The following SLC6A16 variants were observed in gnomAD, a reference collection of about 807,000 sequenced individuals.
SLC6A16 encodes solute carrier family 6 member 16, also known as orphan sodium- and chloride-dependent neurotransmitter transporter NTT5.
SLC6A16 carries 54 observed loss-of-function variants against 65.4 expected under a neutral mutation model. The ratio of observed to expected loss-of-function variants is 0.83; its 90% CI spans 0.66 to 1.04. The LOEUF (loss-of-function observed/expected upper bound fraction) is 1.04. Ranked by LOEUF, SLC6A16 falls within the 50% of genes least tolerant of loss-of-function variation. SLC6A16 has a pLI of 0.00. For synonymous variants in SLC6A16, 330 were observed against 346.5 expected (o/e 0.95, Z 0.53); for missense variants, 816 against 914.0 (o/e 0.89, Z 1.38).
rs773766329 is a variant in SLC6A16 at position 49,290,662 on chromosome 19, G to C, written c.1884C>G (p.Thr628=). The C allele has an allele frequency of 1.1e-5, 18 of 1,614,020 alleles. No homozygotes were observed. Among genetic ancestry groups the C allele is most frequent in the Middle Eastern group, 1.6e-4 (1 of 6,062 alleles). Residue 628 remains threonine, a synonymous_variant, in exon 11 of 12, where the codon ACC becomes ACG. Transcript: ENST00000335875. Reference sequence around the variant, plus strand: ...GCTTCATACAAAGATGAACCATCATGGTCACAAAGATGATTAGCAGCACAA... The same window carrying C: ...GCTTCATACAAAGATGAACCATCATCGTCACAAAGATGATTAGCAGCACAA... ...CPVVLLIIFV[T]MMVHLCMKPI...
intron 4 of SLC6A16, 83 bp from the exon 5 acceptor site, chr19:49,309,909 C>G (rs1340947268): frequency 1.3e-6 from 2 of 1,498,070 alleles, no homozygotes; most frequent in East Asian, 2.3e-5. Flanking sequence ...TCCCTTTTCT[C>G]TTTCCCTCTC....
intron 8 of SLC6A16, 99 bp downstream of exon 8, chr19:49,294,268 G>T: frequency 1.7e-6 from 2 of 1,200,436 alleles, no homozygotes; most frequent in Non-Finnish European, 2.4e-6. Context: ...TGATTCTGGT[G>T]CTTCCGGGAT....
chr19:49,293,497 G>C, intron 9 of SLC6A16, 115 bp from the exon 10 acceptor site: 2 of 957,346 alleles, frequency 2.1e-6, no homozygotes, highest in Non-Finnish European at 3.1e-6. Context: ...GGGCGAGGGG[G>C]CTTACATGTG....
At chr19:49,323,185 G>C (rs577770732) in intron 1 of SLC6A16, among the ~76,000 whole-genome samples, 1 of 151,984 alleles carries the variant, frequency 6.6e-6, no homozygotes, top group Non-Finnish European at 1.5e-5. Flanking sequence ...AGTAAAGATG[G>C]ACTCTTACCT....
At chr19:49,330,738 T>A in the SLC6A16 span, among the ~76,000 whole-genome samples, 1 of 152,020 alleles carries the variant, frequency 6.6e-6, no homozygotes, top group African/African-American at 2.4e-5. Flanking sequence ...GGTCAGGAGT[T>A]CAAGACCAGC....
chr19:49,330,547 G>C, the SLC6A16 span, among the ~76,000 whole-genome samples: 44 of 152,250 alleles, frequency 2.9e-4, no homozygotes, highest in African/African-American at 1.0e-3. Flanking sequence ...AAAAGCAAGA[G>C]GGAATTTGCC....
chr19:49,336,173 A>C, the SLC6A16 span: 2 of 227,578 alleles, frequency 8.8e-6, no homozygotes, highest in Non-Finnish European at 1.8e-5. Flanking sequence ...CTAAATAATA[A>C]TGAAATATAA....
chr19:49,339,375 T>C, the SLC6A16 span: 2 of 1,613,896 alleles, frequency 1.2e-6, no homozygotes, highest in Non-Finnish European at 1.7e-6. This position sits in a 1 kb window ranked among gnomAD's most constrained non-coding sequence, Gnocchi z 4.5. Flanking sequence ...CAACCTTATT[T>C]CCATAGTGGG....
the SLC6A16 span, chr19:49,335,954 G>A: frequency 1.5e-6 from 1 of 650,374 alleles, no homozygotes; most frequent in Non-Finnish European, 2.7e-6. This position sits in a 1 kb window ranked among gnomAD's most constrained non-coding sequence, Gnocchi z 4.6. Flanking sequence ...TCCGGCAAAT[G>A]GGGTTGTGCA....
Position 49,293,878 on chromosome 19 carries a change from G to C in SLC6A16, c.1567C>G (p.Pro523Ala), listed in dbSNP as rs777517837. 2.5e-6 allele frequency: 4 copies of C among 1,613,968 alleles called. No homozygotes were observed. Among genetic ancestry groups the C allele is most frequent in the South Asian group, 1.1e-5 (1 of 91,072 alleles). The change falls in exon 9 of 12, where the codon CCA becomes GCA. Residue 523 changes from proline to alanine, a missense_variant. Physicochemically the swap from Pro to Ala is conservative, Grantham distance 27 (BLOSUM62 -1). Coordinates refer to ENST00000335875, the MANE Select transcript of SLC6A16 (RefSeq NM_014037.3). ...AIGIMQGIITPLQDTFSFFRK... is the reference protein window; with the variant it reads ...AIGIMQGIITALQDTFSFFRK... ...AAGAAAGAGAAGGTGTCCTGGAGTG[G>C]AGTAATGATGCCCTGCATAATCCCT... is the stretch of plus-strand genomic sequence containing the variant.
At chr19:49,314,018 C>A (rs1387722798) in intron 1 of SLC6A16, among the ~76,000 whole-genome samples, 3 of 151,768 alleles carry the variant, frequency 2.0e-5, no homozygotes, top group Non-Finnish European at 2.9e-5. Flanking sequence ...ATGGCGTGAA[C>A]CTGGGAAGCG....
At chr19:49,338,963 T>G in the SLC6A16 span, 2 of 1,542,970 alleles carry the variant, frequency 1.3e-6, no homozygotes, top group Non-Finnish European at 1.8e-6. This position sits in a 1 kb window ranked among gnomAD's most constrained non-coding sequence, Gnocchi z 5.0. Flanking sequence ...AGCATAAACC[T>G]GTCGAATGGG....
At chr19:49,329,695 C>T (rs1224807285), upstream of SLC6A16, among the ~76,000 whole-genome samples, 2 of 135,626 alleles carry the variant, frequency 1.5e-5, no homozygotes, top group African/African-American at 5.6e-5. Context: ...TGCAGTGGTG[C>T]GATCTCCACT....
chr19:49,312,530 TCTC>T (rs1970541902), intron 1 of SLC6A16: 11 of 983,948 alleles, frequency 1.1e-5, no homozygotes, highest in Non-Finnish European at 1.2e-5. Flanking sequence ...CTAGGGCTAT[TCTC>T]CTCCTTATTC....
chr19:49,314,965 A>G lies in SLC6A16; in HGVS notation c.-64-3554T>C, dbSNP rs142408572. Among the ~76,000 whole-genome samples, 763 of 152,242 alleles carry G rather than the reference A, an allele frequency of 5.0e-3. 5 individuals carry two copies. Among genetic ancestry groups the G allele is most frequent in the African/African-American group, 0.017 (714 of 41,536 alleles). On this transcript the variant is annotated intron_variant, in intron 1 of 11. Transcript: ENST00000335875. ...CACTCCTACAATTCACCATCAAAACAAAAGGAAGTTTCTTCTAAGATAGCC... is the reference window on the plus strand; with the variant it reads ...CACTCCTACAATTCACCATCAAAACGAAAGGAAGTTTCTTCTAAGATAGCC...
At chr19:49,337,789 T>C in the SLC6A16 span, 3 of 1,545,392 alleles carry the variant, frequency 1.9e-6, no homozygotes, top group African/African-American at 2.8e-5. Flanking sequence ...AGACCTGAAG[T>C]ACACAGAGCT....
intron 9 of SLC6A16, among the ~76,000 whole-genome samples, chr19:49,293,621 G>A (rs529813941): frequency 3.3e-5 from 5 of 152,260 alleles, no homozygotes; most frequent in South Asian, 2.1e-4. Flanking sequence ...AAACTTAGCC[G>A]GGCGTGGTGA....
chr19:49,299,414 T>C (rs8109576), intron 7 of SLC6A16, among the ~76,000 whole-genome samples: 6,657 of 147,404 alleles, frequency 0.045, 494 homozygotes, highest in African/African-American at 0.15. Context: ...ATTAGCCTGG[T>C]GTGGTGGCAT....
At chr19:49,339,479 G>A in the SLC6A16 span, 4 of 1,558,370 alleles carry the variant, frequency 2.6e-6, no homozygotes, top group Non-Finnish European at 3.5e-6. This position sits in a 1 kb window ranked among gnomAD's most constrained non-coding sequence, Gnocchi z 4.5. Context: ...CCTTCATTTC[G>A]CGTCCTTCGG....
Sources: allele counts gnomAD v4.1 joint callset (sites outside exome capture counted in the v4.1 genomes callset), GRCh38; gene constraint gnomAD v4.1.1; non-coding constraint Gnocchi (gnomAD v3.1); transcripts MANE v1.5; gene names NCBI Gene and HGNC (gene_info 2026-07-23, HGNC 2026-07-21).